The following UQCC6 variants were observed in gnomAD, a reference collection of about 807,000 sequenced individuals.
UQCC6 encodes protein BRAWNIN.
chr12:103,953,343 T>C, the UQCC6 span: 6 of 701,178 alleles, frequency 8.6e-6, no homozygotes, highest in South Asian at 8.9e-5. Context: ...GACTCCTAGC[T>C]TTCAACCTGA....
At chr12:103,957,511 T>G in the UQCC6 span, among the ~76,000 whole-genome samples, 2 of 151,964 alleles carry the variant, frequency 1.3e-5, no homozygotes, top group Non-Finnish European at 2.9e-5. Context: ...GAGTCACACA[T>G]TGAGCATTTG....
the UQCC6 span, among the ~76,000 whole-genome samples, chr12:103,961,811 C>T: frequency 2.0e-5 from 3 of 152,152 alleles, no homozygotes; most frequent in Admixed American, 6.5e-5. Flanking sequence ...CCACATGCCT[C>T]GGCCTCCCAA....
At chr12:103,951,431 T>G in the UQCC6 span, 2 of 674,096 alleles carry the variant, frequency 3.0e-6, no homozygotes, top group Non-Finnish European at 5.1e-6. Context: ...GCAGTTAGCA[T>G]TAGACTAAGT....
chr12:103,965,222 T>G, the UQCC6 span, among the ~76,000 whole-genome samples: 1 of 151,964 alleles, frequency 6.6e-6, no homozygotes, highest in African/African-American at 2.4e-5. Context: ...CACTGAGACA[T>G]AAAAGAGGGG....
chr12:103,965,638 G>C, the UQCC6 span: 4 of 215,264 alleles, frequency 1.9e-5, no homozygotes, highest in Non-Finnish European at 3.7e-5. Context: ...TCGCCCACGC[G>C]TCCACCAGCC....
chr12:103,954,709 A>G, the UQCC6 span: 1 of 491,204 alleles, frequency 2.0e-6, no homozygotes, highest in South Asian at 3.2e-5. Flanking sequence ...GTAGTAAAGG[A>G]TATTCACCAA....
the UQCC6 span, among the ~76,000 whole-genome samples, chr12:103,958,201 G>C: frequency 6.8e-6 from 1 of 146,276 alleles, no homozygotes; most frequent in African/African-American, 2.5e-5. Context: ...GGGCAACAGA[G>C]CAAGACTCCG....
At chr12:103,953,578 G>A in the UQCC6 span, 20 of 702,162 alleles carry the variant, frequency 2.8e-5, no homozygotes, top group Admixed American at 8.0e-5. Context: ...GTAATTGCTG[G>A]AGCAAAACCA....
the UQCC6 span, among the ~76,000 whole-genome samples, chr12:103,958,685 C>T: frequency 6.6e-6 from 1 of 152,108 alleles, no homozygotes. Context: ...TTTATCTATT[C>T]ACTTATTGAT....
At chr12:103,954,829 A>C in the UQCC6 span, 1 of 647,788 alleles carries the variant, frequency 1.5e-6, no homozygotes, top group Admixed American at 2.4e-5. Context: ...AATGTTTTAC[A>C]AGAGTATTGG....
the UQCC6 span, among the ~76,000 whole-genome samples, chr12:103,958,015 AATAT>A: frequency 6.4e-5 from 9 of 140,850 alleles, no homozygotes; most frequent in African/African-American, 2.3e-4. Context: ...ATTTATTTTT[AATAT>A]ATATTTATAT....
the UQCC6 span, chr12:103,954,877 A>G: frequency 1.4e-6 from 1 of 691,608 alleles, no homozygotes. Flanking sequence ...AGACATACCA[A>G]ACAGAAAGCT....
chr12:103,955,031 T>C, the UQCC6 span: 1 of 691,156 alleles, frequency 1.4e-6, no homozygotes, highest in African/African-American at 1.8e-5. Flanking sequence ...AAAATACAAA[T>C]GGGCCAGGCA....
At chr12:103,958,654 G>A in the UQCC6 span, among the ~76,000 whole-genome samples, 1 of 152,154 alleles carries the variant, frequency 6.6e-6, no homozygotes, top group African/African-American at 2.4e-5. Flanking sequence ...TTATTGCTAG[G>A]TGGGTTTAGA....
the UQCC6 span, chr12:103,954,767 T>G: frequency 1.8e-6 from 1 of 553,532 alleles, no homozygotes; most frequent in Non-Finnish European, 3.2e-6. Flanking sequence ...AGAAAGGAGG[T>G]TATAAGAGGG....
chr12:103,956,243 G>C, the UQCC6 span: 1 of 172,898 alleles, frequency 5.8e-6, no homozygotes, highest in Non-Finnish European at 1.2e-5. Flanking sequence ...GGGGGGAGGA[G>C]GACATGCCAA....
At chr12:103,961,742 T>C in the UQCC6 span, among the ~76,000 whole-genome samples, 1 of 151,690 alleles carries the variant, frequency 6.6e-6, no homozygotes, top group South Asian at 2.1e-4. Flanking sequence ...TGTATTTTAG[T>C]AAAGATAGGG....
chr12:103,959,101 A>G, the UQCC6 span, among the ~76,000 whole-genome samples: 1 of 152,226 alleles, frequency 6.6e-6, no homozygotes, highest in African/African-American at 2.4e-5. Context: ...CAATCCTGCT[A>G]AAAACTCCTG....
At chr12:103,951,269 C>A in the UQCC6 span, 50 of 319,988 alleles carry the variant, frequency 1.6e-4, no homozygotes, top group African/African-American at 1.0e-3. Flanking sequence ...TACAAATATT[C>A]TATTTCGCGT....
Sources: gnomAD v4.1 joint callset for allele counts (sites outside exome capture counted in the v4.1 genomes callset) on GRCh38, gnomAD v4.1.1 for gene constraint, MANE v1.5 for transcripts, NCBI Gene and HGNC (gene_info 2026-07-23, HGNC 2026-07-21) for gene names.